Variants in C8A observed in about 807,000 individuals in gnomAD.
C8A encodes complement C8 alpha chain, also known as complement component C8 alpha chain.
In C8A, 67 loss-of-function variants were observed where a neutral mutation model predicts 65.3. The observed-to-expected ratio is 1.03, with a 90% CI of 0.84 to 1.26. The LOEUF (loss-of-function observed/expected upper bound fraction) is 1.26. C8A is among the 50% of genes most tolerant of loss of function. The pLI, the probability that C8A is intolerant of heterozygous loss-of-function variation, is 0.00. For missense variants in C8A, 781 were observed against 723.9 expected, an observed-to-expected ratio of 1.08 and a Z score of -0.90; for synonymous variants, 290 against 259.4, an observed-to-expected ratio of 1.12 and a Z score of -1.13.
chr1:56,903,630 G>T (rs762439662), intron 7 of C8A, among the ~76,000 whole-genome samples: 9 of 152,082 alleles, frequency 5.9e-5, no homozygotes, highest in Non-Finnish European at 7.4e-5. Flanking sequence ...GATGGAACTG[G>T]CTACTAAGTC....
chr1:56,915,953 A>T (rs1485691048), intron 10 of C8A, among the ~76,000 whole-genome samples: 1 of 152,212 alleles, frequency 6.6e-6, no homozygotes, highest in Admixed American at 6.5e-5. Flanking sequence ...AAAGGAACAG[A>T]TGTGAGCCTT....
chr1:56,914,874 C>T (rs955182827), intron 10 of C8A, among the ~76,000 whole-genome samples: 5 of 151,940 alleles, frequency 3.3e-5, no homozygotes, highest in South Asian at 2.1e-4. Context: ...GATGGGTTTT[C>T]GCCATGTTGG....
rs1405377205 is a variant in C8A at position 56,917,870 on chromosome 1, C to T, written c.*154C>T. ...CAGGCCTAAGACTAGGTTTTGCTGTCTACAGCCAACTATTCTATTAGTTAC... is the reference window on the plus strand; with the variant it reads ...CAGGCCTAAGACTAGGTTTTGCTGTTTACAGCCAACTATTCTATTAGTTAC... On this transcript the variant is annotated 3_prime_UTR_variant, in exon 11 of 11. Transcript: ENST00000361249. The T allele has an allele frequency of 1.2e-5, 9 of 782,566 alleles. No homozygotes were observed. The highest frequency in any genetic ancestry group is 1.9e-5 in the Non-Finnish European group (9 of 482,874). 48.5% of individuals were successfully genotyped at this position (782,566 alleles called of 1,614,324 possible).
At chr1:56,888,430 C>A (rs1035867747) in intron 7 of C8A, among the ~76,000 whole-genome samples, 3 of 152,148 alleles carry the variant, frequency 2.0e-5, no homozygotes, top group African/African-American at 7.2e-5. Context: ...TTCCTACCCT[C>A]TTGCATTACA....
intron 2 of C8A, among the ~76,000 whole-genome samples, chr1:56,872,803 G>C (rs1233811742): frequency 6.6e-6 from 1 of 152,016 alleles, no homozygotes; most frequent in Non-Finnish European, 1.5e-5. Flanking sequence ...ACACTTCAAA[G>C]AGTGGGAATG....
intron 7 of C8A, among the ~76,000 whole-genome samples, chr1:56,888,829 A>G (rs1293234775): frequency 6.6e-6 from 1 of 152,164 alleles, no homozygotes; most frequent in Non-Finnish European, 1.5e-5. Context: ...TCTTGACACC[A>G]TTTAGAGATC....
chr1:56,863,092 G>C (rs1644049923), intron 1 of C8A, among the ~76,000 whole-genome samples: 1 of 152,194 alleles, frequency 6.6e-6, no homozygotes, highest in East Asian at 1.9e-4. Context: ...GATATAAAAT[G>C]TAATACTCAG....
intron 4 of C8A, among the ~76,000 whole-genome samples, chr1:56,878,370 C>G (rs897342813): frequency 6.6e-6 from 1 of 152,116 alleles, no homozygotes; most frequent in East Asian, 1.9e-4. Context: ...TCAAAAGTGA[C>G]TATAGAGTAA....
intron 2 of C8A, among the ~76,000 whole-genome samples, chr1:56,873,275 G>A (rs1644163944): frequency 2.6e-5 from 4 of 152,136 alleles, no homozygotes; most frequent in Admixed American, 2.6e-4. Flanking sequence ...TCTGCTTATT[G>A]AACACCAATA....
chr1:56,901,479 T>C (rs2101285687), intron 7 of C8A, among the ~76,000 whole-genome samples: 1 of 151,914 alleles, frequency 6.6e-6, no homozygotes, highest in African/African-American at 2.4e-5. Context: ...ACCAAGACCA[T>C]GTGGGAAACA....
chr1:56,899,686 A>G (rs2101282271), intron 7 of C8A, among the ~76,000 whole-genome samples: 1 of 152,302 alleles, frequency 6.6e-6, no homozygotes, highest in Admixed American at 6.5e-5. Context: ...CTAACTTTTC[A>G]GATTCCAAAT....
At chr1:56,874,623 T>A (rs1348564817) in intron 2 of C8A, among the ~76,000 whole-genome samples, 1 of 152,164 alleles carries the variant, frequency 6.6e-6, no homozygotes, top group African/African-American at 2.4e-5. Context: ...ACTTGAAGAA[T>A]GTTACTGAAA....
At chr1:56,905,913 G>A (rs1328514100) in intron 7 of C8A, among the ~76,000 whole-genome samples, 1 of 152,208 alleles carries the variant, frequency 6.6e-6, no homozygotes, top group Non-Finnish European at 1.5e-5. Flanking sequence ...ACATAGCAAT[G>A]TGGCTTTACT....
rs562084612 is a variant in C8A, at chr1:56,867,948, T to C, written c.171+246T>C. 5.3e-5 allele frequency among the ~76,000 whole-genome samples: 8 copies of C among 152,264 alleles called. No individual in the cohort carries two copies. The South Asian group carries it at 1.7e-3, about 32-fold the overall frequency. ...TATGGCTCATAGGCAGAAAAGTCAC[T>C]ATCTGTACATGGGCACGTTTGTTTC... On this transcript the variant is annotated intron_variant, in intron 2 of 10. Coordinates refer to ENST00000361249, the MANE Select transcript of C8A (RefSeq NM_000562.3).
Position 56,876,061 on chromosome 1 carries a change from G to A in C8A, c.317-1G>A. On this transcript the variant is annotated splice_acceptor_variant, in intron 3 of 10. Coordinates refer to ENST00000361249, the MANE Select transcript of C8A (RefSeq NM_000562.3). LOFTEE classifies it high-confidence loss of function. ...GAGCAGCCACAGTCTCTTCTCTCCA[G>A]GTCGCTGCCTGAAACGCCACCTTGT... 3.1e-6 allele frequency: 5 copies of A among 1,613,430 alleles called. No homozygotes were observed. The highest frequency in any genetic ancestry group is 4.2e-6 in the Non-Finnish European group (5 of 1,179,774).
chr1:56,890,469 C>A (rs1311780202), intron 7 of C8A, among the ~76,000 whole-genome samples: 1 of 152,158 alleles, frequency 6.6e-6, no homozygotes, highest in Non-Finnish European at 1.5e-5. Context: ...AAATATCATA[C>A]TTGGTCCTCT....
At chr1:56,862,703 C>T (rs1307915333) in intron 1 of C8A, among the ~76,000 whole-genome samples, 1 of 152,036 alleles carries the variant, frequency 6.6e-6, no homozygotes, top group African/African-American at 2.4e-5. Flanking sequence ...GAGAGGCAAA[C>T]TGAAGATTAG....
chr1:56,881,059 G>A (rs1162800431), intron 4 of C8A, among the ~76,000 whole-genome samples: 3 of 152,180 alleles, frequency 2.0e-5, no homozygotes, highest in Non-Finnish European at 4.4e-5. Flanking sequence ...CTGTCTAGAT[G>A]ATCTGGGTAA....
chr1:56,894,890 G>C (rs1225147224), intron 7 of C8A, among the ~76,000 whole-genome samples: 4 of 152,036 alleles, frequency 2.6e-5, no homozygotes, highest in African/African-American at 9.7e-5. Flanking sequence ...CAGCCAAATT[G>C]GTTACCACCC....
Sources: allele counts gnomAD v4.1 joint callset (sites outside exome capture counted in the v4.1 genomes callset), GRCh38; gene constraint gnomAD v4.1.1; transcripts MANE v1.5; gene names NCBI Gene and HGNC (gene_info 2026-07-23, HGNC 2026-07-21).